The following IGSF10 variants were observed in gnomAD, a reference collection of about 807,000 sequenced individuals.
The protein encoded by IGSF10 is immunoglobulin superfamily member 10.
IGSF10 carries 126 observed loss-of-function variants against 128.2 expected under a neutral mutation model. That is an observed-to-expected ratio of 0.98 (90% CI 0.85 to 1.14). The LOEUF (loss-of-function observed/expected upper bound fraction) is 1.14. Ranked by LOEUF, IGSF10 falls within the 50% of genes most tolerant of loss-of-function variation. The pLI, the probability that IGSF10 is intolerant of heterozygous loss-of-function variation, is 0.00. For synonymous variants in IGSF10, 1,185 were observed against 1,146.2 expected, an observed-to-expected ratio of 1.03 and a Z score of -0.68; for missense variants, 3,295 against 3,149.8, an observed-to-expected ratio of 1.05 and a Z score of -1.10.
rs779027721 is a variant in IGSF10, at chr3:151,448,208, AAGTG to A, written c.1769_1772del (p.Thr590MetfsTer35). 6.2e-7 allele frequency: 1 copy of A among 1,614,240 alleles called. No individual in the cohort carries two copies. Among genetic ancestry groups the A allele is most frequent in the Non-Finnish European group, 8.5e-7 (1 of 1,180,038 alleles). Reference sequence around the variant, plus strand: ...TACCAGTAGAATGGCATGGAAGATCAAGTGTTTCACCAATGAAAACTGTGTGATG... The same window carrying A: ...TACCAGTAGAATGGCATGGAAGATCATTTCACCAATGAAAACTGTGTGATG... On this transcript the variant is annotated frameshift_variant, in exon 6 of 8. Coordinates refer to ENST00000282466, the MANE Select transcript of IGSF10 (RefSeq NM_178822.5). LOFTEE classifies it high-confidence loss of function.
chr3:151,616,348 T>C, the IGSF10 span, among the ~76,000 whole-genome samples: 2 of 152,234 alleles, frequency 1.3e-5, no homozygotes, highest in East Asian at 3.8e-4. Context: ...TCAAAAATAA[T>C]GCCAATTAAG....
chr3:151,449,774 A>G (rs1577672934), intron 5 of IGSF10, among the ~76,000 whole-genome samples: 1 of 152,346 alleles, frequency 6.6e-6, no homozygotes, highest in East Asian at 1.9e-4. Context: ...CCAAAAGAAT[A>G]TTGACTGAAT....
chr3:151,529,281 T>G, the IGSF10 span, among the ~76,000 whole-genome samples: 2 of 152,168 alleles, frequency 1.3e-5, no homozygotes, highest in Non-Finnish European at 2.9e-5. Flanking sequence ...GGGCGCAGCT[T>G]CAGCAGATGT....
rs1380628503 is a variant in IGSF10, at chr3:151,448,890, C to T, written c.1091G>A (p.Cys364Tyr). Residue 364 changes from cysteine (C) to tyrosine (Y), a missense_variant, in exon 6 of 8, where the codon TGC becomes TAC. Transcript: ENST00000282466. Reference sequence around the variant, plus strand: ...CTGAATGTGACCGTAATCTATGTTGCACACCAAAAATGTTGAAAATGAAGT... The same window carrying T: ...CTGAATGTGACCGTAATCTATGTTGTACACCAAAAATGTTGAAAATGAAGT... ...LNTSFSTFLV[C>Y]NIDYGHIQPV... 1.9e-6 allele frequency: 3 copies of T among 1,614,192 alleles called. No individual in the cohort carries two copies. Among genetic ancestry groups the T allele is most frequent in the Non-Finnish European group, 2.5e-6 (3 of 1,180,042 alleles).
At chr3:151,458,465 C>G in intron 3 of IGSF10, 51 bp downstream of exon 3, 1 of 1,384,384 alleles carries the variant, frequency 7.2e-7, no homozygotes, top group Non-Finnish European at 1.0e-6. Flanking sequence ...GGACAAGTCA[C>G]TGCTGCGACT....
chr3:151,481,911 G>GA, the IGSF10 span, among the ~76,000 whole-genome samples: 1 of 152,104 alleles, frequency 6.6e-6, no homozygotes, highest in Admixed American at 6.5e-5. Flanking sequence ...CTAGATCACT[G>GA]AGTCACCCTC....
chr3:151,617,221 C>G, the IGSF10 span, among the ~76,000 whole-genome samples: 1 of 128,688 alleles, frequency 7.8e-6, no homozygotes, highest in South Asian at 2.8e-4. Flanking sequence ...TCCTCTTCTT[C>G]CCCCTCTTCT....
the IGSF10 span, among the ~76,000 whole-genome samples, chr3:151,576,983 T>A: frequency 6.6e-6 from 1 of 152,214 alleles, no homozygotes; most frequent in Non-Finnish European, 1.5e-5. Flanking sequence ...TTCAATTTAC[T>A]CTGTCGGCTT....
At chr3:151,479,191 A>G in the IGSF10 span, among the ~76,000 whole-genome samples, 1 of 152,134 alleles carries the variant, frequency 6.6e-6, no homozygotes, top group South Asian at 2.1e-4. Context: ...TGTCCTGTAC[A>G]TGGATTAAAC....
At chr3:151,586,293 A>G in the IGSF10 span, among the ~76,000 whole-genome samples, 11 of 152,300 alleles carry the variant, frequency 7.2e-5, no homozygotes, top group South Asian at 2.3e-3. Flanking sequence ...CATATACATT[A>G]TGATGCCAAA....
chr3:151,609,365 T>A, the IGSF10 span, among the ~76,000 whole-genome samples: 1 of 152,200 alleles, frequency 6.6e-6, no homozygotes, highest in African/African-American at 2.4e-5. Flanking sequence ...TTGAAGAATT[T>A]TAATCAGGTA....
the IGSF10 span, among the ~76,000 whole-genome samples, chr3:151,558,170 C>T: frequency 1.9e-4 from 28 of 149,158 alleles, no homozygotes; most frequent in Admixed American, 1.8e-3. Context: ...ACACTGAAGC[C>T]AAAGTTGGCA....
intron 6 of IGSF10, 67 bp from the exon 7 acceptor site, chr3:151,443,951 C>A (rs1399940250): frequency 2.5e-5 from 32 of 1,290,566 alleles, no homozygotes; most frequent in Non-Finnish European, 3.0e-5. Flanking sequence ...ATAAAGCTAT[C>A]GTTTTTTGGG....
the IGSF10 span, among the ~76,000 whole-genome samples, chr3:151,594,825 A>T: frequency 2.0e-5 from 3 of 151,922 alleles, no homozygotes; most frequent in Non-Finnish European, 4.4e-5. Flanking sequence ...GTGATATCCT[A>T]AATACCCTGA....
intron 7 of IGSF10, among the ~76,000 whole-genome samples, chr3:151,442,288 C>T (rs1172012759): frequency 1.3e-5 from 2 of 151,810 alleles, no homozygotes; most frequent in African/African-American, 4.8e-5. Flanking sequence ...AGTAAAATAA[C>T]GGAGTGTCTC....
chr3:151,444,853 C>A (rs1721085981), intron 6 of IGSF10, 66 bp downstream of exon 6: 1 of 1,433,052 alleles, frequency 7.0e-7, no homozygotes, highest in Non-Finnish European at 9.4e-7. Context: ...TGTTTAATCC[C>A]AAAACATAAC....
the IGSF10 span, among the ~76,000 whole-genome samples, chr3:151,501,958 A>T: frequency 6.6e-6 from 1 of 152,086 alleles, no homozygotes; most frequent in African/African-American, 2.4e-5. Context: ...TCTCTAATTT[A>T]AATCAAGGAG....
chr3:151,490,742 A>G, the IGSF10 span, among the ~76,000 whole-genome samples: 1 of 152,164 alleles, frequency 6.6e-6, no homozygotes, highest in African/African-American at 2.4e-5. Context: ...AAATTCACAA[A>G]CATGTAGAGA....
chr3:151,452,803 GT>G (rs1406291705), intron 5 of IGSF10, among the ~76,000 whole-genome samples: 3 of 152,000 alleles, frequency 2.0e-5, no homozygotes, highest in Non-Finnish European at 2.9e-5. Flanking sequence ...TGGTGAAATG[GT>G]TATTCTGATG....
Sources: allele counts gnomAD v4.1 joint callset (sites outside exome capture counted in the v4.1 genomes callset), GRCh38; gene constraint gnomAD v4.1.1; transcripts MANE v1.5; gene names NCBI Gene and HGNC (gene_info 2026-07-23, HGNC 2026-07-21).